The following GFOD1 variants were observed in gnomAD, a reference collection of about 807,000 sequenced individuals.
GFOD1 encodes glucose-fructose oxidoreductase domain-containing protein 1.
Under a neutral mutation model 25.4 loss-of-function variants are expected in GFOD1, and 9 were observed. That is an observed-to-expected ratio of 0.35 (90% CI 0.21 to 0.62). The LOEUF is 0.62. Among genes scored for constraint, GFOD1 ranks in the 20% least tolerant of loss-of-function variants. The pLI is 0.72. For synonymous variants in GFOD1, 253 were observed against 245.6 expected (o/e 1.03, Z -0.28); for missense variants, 403 against 556.9 (o/e 0.72, Z 2.78).
rs563007284 is a variant in GFOD1, at chr6:13,400,053, G to A, written c.254-34391C>T. Among the ~76,000 whole-genome samples the A allele has an allele frequency of 2.0e-5, 3 of 150,946 alleles. No individual in the cohort carries two copies. In the South Asian group the frequency reaches 6.3e-4, roughly 32 times the overall value. ...GCTGTTTTAATCTATACAACTGTGG[G>A]GATTCTGATTTTTTTTTTTTAAGAG... is the stretch of plus-strand genomic sequence containing the variant. On this transcript the variant is annotated intron_variant, in intron 1 of 1. Transcript: ENST00000379287.
intron 1 of GFOD1, among the ~76,000 whole-genome samples, chr6:13,481,555 C>G (rs1334937379): frequency 1.0e-5 from 1 of 99,922 alleles, no homozygotes; most frequent in South Asian, 4.0e-4. Context: ...GAGAGTGATA[C>G]CTTACACACA....
chr6:13,441,539 T>C (rs182793784), intron 1 of GFOD1, among the ~76,000 whole-genome samples: 2 of 152,360 alleles, frequency 1.3e-5, no homozygotes, highest in Admixed American at 1.3e-4. Context: ...TTTGAACTAG[T>C]CTCACTGCAA....
intron 1 of GFOD1, among the ~76,000 whole-genome samples, chr6:13,411,168 G>C (rs1006254700): frequency 1.3e-5 from 2 of 152,230 alleles, no homozygotes; most frequent in African/African-American, 4.8e-5. Context: ...TTGAAACACA[G>C]AGGAGAACAG....
chr6:13,366,981 TTA>T (rs1381683227), intron 1 of GFOD1, among the ~76,000 whole-genome samples: 4 of 151,902 alleles, frequency 2.6e-5, no homozygotes. Context: ...GATTTTGCTT[TTA>T]TGTTATTTAA....
At chr6:13,452,918 C>T (rs1346606302) in intron 1 of GFOD1, among the ~76,000 whole-genome samples, 2 of 152,186 alleles carry the variant, frequency 1.3e-5, no homozygotes, top group African/African-American at 2.4e-5. Flanking sequence ...ACAGTCCCAC[C>T]ATCCCTTTTC....
Position 13,441,982 on chromosome 6 carries a change from C to A in GFOD1, c.253+44656G>T, listed in dbSNP as rs1013401745. On this transcript the variant is annotated intron_variant, in intron 1 of 1. Transcript: ENST00000379287. ...CCAGACACACCCACACACACACCCC[C>A]ACACTCACTCAGATGGGGACTGTGT... Among the ~76,000 whole-genome samples, 9 of 152,318 alleles carry A rather than the reference C, an allele frequency of 5.9e-5. No individual in the cohort carries two copies. In the South Asian group the frequency reaches 1.2e-3, roughly 21 times the overall value.
intron 1 of GFOD1, among the ~76,000 whole-genome samples, chr6:13,449,268 G>T (rs1463511194): frequency 6.6e-6 from 1 of 152,180 alleles, no homozygotes; most frequent in Non-Finnish European, 1.5e-5. Context: ...TCCAGCTTAG[G>T]TGACAGAGGG....
chr6:13,371,149 TA>T (rs1157139378), intron 1 of GFOD1, among the ~76,000 whole-genome samples: 1 of 152,224 alleles, frequency 6.6e-6, no homozygotes, highest in Non-Finnish European at 1.5e-5. Context: ...AAGTAGATTC[TA>T]CCGGGAAGAC....
At chr6:13,380,049 T>A (rs1417847374) in intron 1 of GFOD1, among the ~76,000 whole-genome samples, 1 of 152,222 alleles carries the variant, frequency 6.6e-6, no homozygotes, top group East Asian at 1.9e-4. Context: ...AAAGTGCTCA[T>A]AAATGTCTGC....
At chr6:13,407,522 C>T (rs1785970793) in intron 1 of GFOD1, among the ~76,000 whole-genome samples, 1 of 152,204 alleles carries the variant, frequency 6.6e-6, no homozygotes, top group Admixed American at 6.5e-5. Flanking sequence ...ATGGCCCAGA[C>T]AGTTGGAATA....
intron 1 of GFOD1, among the ~76,000 whole-genome samples, chr6:13,373,864 G>A (rs1378952950): frequency 6.7e-6 from 1 of 148,468 alleles, no homozygotes; most frequent in Non-Finnish European, 1.5e-5. Flanking sequence ...TCTTCCCTCT[G>A]TCCCTTCCTC....
chr6:13,481,558 T>TAC (rs55888360), intron 1 of GFOD1, among the ~76,000 whole-genome samples: 75 of 150,790 alleles, frequency 5.0e-4, no homozygotes, highest in African/African-American at 1.7e-3. Context: ...AGTGATACCT[T>TAC]ACACACACAC....
intron 1 of GFOD1, among the ~76,000 whole-genome samples, chr6:13,391,717 C>T (rs964318378): frequency 6.6e-6 from 1 of 152,154 alleles, no homozygotes; most frequent in African/African-American, 2.4e-5. Flanking sequence ...AGCTCTACCA[C>T]GTATCTGGAC....
intron 1 of GFOD1, among the ~76,000 whole-genome samples, chr6:13,416,184 GC>G (rs1346642891): frequency 5.3e-5 from 8 of 152,124 alleles, no homozygotes; most frequent in African/African-American, 1.9e-4. Context: ...CTTCCCCTTT[GC>G]CTTCCACCAT....
chr6:13,473,246 G>A (rs980308382), intron 1 of GFOD1, among the ~76,000 whole-genome samples: 1 of 152,136 alleles, frequency 6.6e-6, no homozygotes, highest in African/African-American at 2.4e-5. Flanking sequence ...AAGAGAACAG[G>A]TGCTCCCACC....
At position 13,365,671 on chromosome 6, in the gene GFOD1, G is replaced by T; in HGVS notation, c.254-9C>A. 1 of 1,585,258 alleles carries T rather than the reference G, an allele frequency of 6.3e-7. No homozygotes were observed. Among genetic ancestry groups the T allele is most frequent in the South Asian group, 1.1e-5 (1 of 90,602 alleles). ...GACGTTCTTGCCGATGCCTGCGGGT[G>T]GGAGGAAGACAGCGGTCAGCGGGGC... On this transcript the variant is annotated splice_polypyrimidine_tract_variant and intron_variant, in intron 1 of 1. Transcript: ENST00000379287. The surrounding 1 kb of genome is among the most constrained non-coding windows in gnomAD (Gnocchi z 9.2).
chr6:13,417,738 A>C (rs1406398343), intron 1 of GFOD1, among the ~76,000 whole-genome samples: 1 of 152,254 alleles, frequency 6.6e-6, no homozygotes, highest in Non-Finnish European at 1.5e-5. Context: ...TCGTAAGTGC[A>C]GCAGGAGAAT....
intron 1 of GFOD1, among the ~76,000 whole-genome samples, chr6:13,417,450 C>A (rs1786181669): frequency 6.6e-6 from 1 of 152,188 alleles, no homozygotes; most frequent in South Asian, 2.1e-4. Flanking sequence ...TTTTTATTAA[C>A]CTATTTCCAA....
chr6:13,470,564 C>A (rs1758479352), intron 1 of GFOD1: 2 of 1,522,656 alleles, frequency 1.3e-6, no homozygotes, highest in Non-Finnish European at 1.8e-6. Context: ...CTGAACAGAA[C>A]CACGTGGCAT....
Sources: allele counts gnomAD v4.1 joint callset (sites outside exome capture counted in the v4.1 genomes callset), GRCh38; gene constraint gnomAD v4.1.1; non-coding constraint Gnocchi (gnomAD v3.1); transcripts MANE v1.5; gene names NCBI Gene and HGNC (gene_info 2026-07-23, HGNC 2026-07-21).